TENM4: variants seen among roughly 807,000 people sequenced by gnomAD.
TENM4 encodes the protein teneurin transmembrane protein 4.
A neutral mutation model predicts 243.3 loss-of-function variants in TENM4; 82 were observed. That is an observed-to-expected ratio of 0.34 (90% CI 0.28 to 0.40). The LOEUF (loss-of-function observed/expected upper bound fraction) is 0.40. Among genes scored for constraint, TENM4 ranks in the 10% least tolerant of loss-of-function variants. TENM4 has a pLI of 1.00. For synonymous variants in TENM4, 1,412 were observed against 1,456.3 expected, an observed-to-expected ratio of 0.97 and a Z score of 0.69; for missense variants, 3,138 against 3,673.3, an observed-to-expected ratio of 0.85 and a Z score of 3.77.
chr11:78,805,184 G>T, intron 15 of TENM4, 108 bp downstream of exon 15: 3 of 615,300 alleles, frequency 4.9e-6, no homozygotes, highest in Non-Finnish European at 7.7e-6. Context: ...GCACTCAGAG[G>T]CACGGGGAAT....
At chr11:78,735,195 C>A (rs978063709) in intron 20 of TENM4, among the ~76,000 whole-genome samples, 6 of 152,182 alleles carry the variant, frequency 3.9e-5, no homozygotes, top group African/African-American at 1.4e-4. Flanking sequence ...GAGCTATCAC[C>A]CGTTTGCCTG....
intron 20 of TENM4, among the ~76,000 whole-genome samples, chr11:78,735,049 G>C (rs1218729562): frequency 6.6e-6 from 1 of 152,194 alleles, no homozygotes; most frequent in Non-Finnish European, 1.5e-5. Flanking sequence ...GCTGCAGCTT[G>C]CTCTTCTCTC....
At chr11:78,843,055 G>A (rs1220972692) in intron 12 of TENM4, among the ~76,000 whole-genome samples, 2 of 152,030 alleles carry the variant, frequency 1.3e-5, no homozygotes, top group Non-Finnish European at 2.9e-5. Context: ...GAGGCGGGTG[G>A]ATCACCTGAG....
chr11:78,741,274 A>G (rs1855923555), intron 19 of TENM4, among the ~76,000 whole-genome samples: 1 of 152,032 alleles, frequency 6.6e-6, no homozygotes, highest in African/African-American at 2.4e-5. Flanking sequence ...GGATACTATC[A>G]GTGGGGTGCT....
intron 1 of TENM4, among the ~76,000 whole-genome samples, chr11:79,400,294 GT>G (rs1338342399): frequency 6.6e-6 from 1 of 151,624 alleles, no homozygotes; most frequent in Non-Finnish European, 1.5e-5. Flanking sequence ...CTGCTCCATG[GT>G]CCGCTTCCTT....
intron 10 of TENM4, among the ~76,000 whole-genome samples, chr11:78,858,458 G>C (rs1467698276): frequency 1.3e-5 from 2 of 152,190 alleles, no homozygotes; most frequent in African/African-American, 4.8e-5. Flanking sequence ...TCCCACCACA[G>C]GGACAGGCTG....
At chr11:79,332,729 A>T (rs188905180) in intron 1 of TENM4, among the ~76,000 whole-genome samples, 25 of 152,352 alleles carry the variant, frequency 1.6e-4, no homozygotes, top group Non-Finnish European at 3.2e-4. Flanking sequence ...ATGAATGATC[A>T]TTACAAATTA....
intron 6 of TENM4, among the ~76,000 whole-genome samples, chr11:78,950,623 GA>G (rs1298525423): frequency 6.6e-6 from 1 of 152,110 alleles, no homozygotes; most frequent in East Asian, 1.9e-4. Context: ...ACACTAACCA[GA>G]AAAATGACAA....
chr11:79,357,986 G>A (rs1857525490), intron 1 of TENM4, among the ~76,000 whole-genome samples: 1 of 152,118 alleles, frequency 6.6e-6, no homozygotes, highest in South Asian at 2.1e-4. Flanking sequence ...TAGATTAAAT[G>A]GAATGGAAAT....
intron 1 of TENM4, among the ~76,000 whole-genome samples, chr11:79,431,902 G>A (rs570175669): frequency 1.7e-4 from 26 of 152,216 alleles, no homozygotes; most frequent in African/African-American, 6.3e-4. Flanking sequence ...GTTCACAATG[G>A]CAAGGATCCT....
chr11:79,009,895 C>T (rs557334425), intron 6 of TENM4, among the ~76,000 whole-genome samples: 2 of 152,254 alleles, frequency 1.3e-5, no homozygotes, highest in South Asian at 2.1e-4. Flanking sequence ...ATGGGAGGGA[C>T]CCTGTGGGAG....
At chr11:78,970,769 G>T (rs1857526918) in intron 6 of TENM4, among the ~76,000 whole-genome samples, 2 of 152,048 alleles carry the variant, frequency 1.3e-5, no homozygotes, top group African/African-American at 4.8e-5. Context: ...AAAAAATGTA[G>T]GATATAAATG....
At chr11:79,321,934 C>T (rs762518262) in intron 1 of TENM4, among the ~76,000 whole-genome samples, 1 of 152,126 alleles carries the variant, frequency 6.6e-6, no homozygotes, top group Non-Finnish European at 1.5e-5. Flanking sequence ...TGCAACAGGG[C>T]AGATGAGGAT....
At chr11:79,181,797 T>A (rs1863286357) in intron 3 of TENM4, among the ~76,000 whole-genome samples, 1 of 152,042 alleles carries the variant, frequency 6.6e-6, no homozygotes, top group African/African-American at 2.4e-5. Context: ...CACTTTCCTA[T>A]GCATCAGCAA....
At chr11:79,269,883 T>C (rs951692516) in intron 2 of TENM4, among the ~76,000 whole-genome samples, 1 of 152,200 alleles carries the variant, frequency 6.6e-6, no homozygotes, top group African/African-American at 2.4e-5. Flanking sequence ...GTGTCTTTTA[T>C]AAAAACAATT....
At chr11:79,057,687 C>T (rs1158927882) in intron 6 of TENM4, among the ~76,000 whole-genome samples, 1 of 152,154 alleles carries the variant, frequency 6.6e-6, no homozygotes, top group Non-Finnish European at 1.5e-5. Context: ...TGCTGGAACC[C>T]CAGTATTTAA....
intron 2 of TENM4, among the ~76,000 whole-genome samples, chr11:79,264,516 G>A (rs985528486): frequency 6.6e-6 from 1 of 152,180 alleles, no homozygotes; most frequent in Non-Finnish European, 1.5e-5. Flanking sequence ...CTCTGGGTGT[G>A]TGGCAATACC....
In TENM4 at chr11:79,438,388, G is replaced by A. The variant is rs916802483; in HGVS notation, c.-321+2121C>T. On this transcript the variant is annotated intron_variant, in intron 1 of 33. Transcript: ENST00000278550. This position sits in a 1 kb window ranked among gnomAD's most constrained non-coding sequence, Gnocchi z 4.1. ...CAACAGAAGCAAACTGCTGTCTGCA[G>A]AGGCGAGAGGCGAAGGAACGGAAGC... 2.0e-5 allele frequency among the ~76,000 whole-genome samples: 3 copies of A among 152,244 alleles called. No individual in the cohort carries two copies. The highest frequency in any genetic ancestry group is 6.5e-5 in the Admixed American group (1 of 15,288).
intron 6 of TENM4, among the ~76,000 whole-genome samples, chr11:79,009,605 T>C (rs11824887): frequency 0.26 from 39,344 of 152,050 alleles, 5,299 homozygotes; most frequent in South Asian, 0.35. Context: ...GGGACCCTGA[T>C]TTTTAGGCCA....
Sources: gnomAD v4.1 joint callset for allele counts (sites outside exome capture counted in the v4.1 genomes callset) on GRCh38, gnomAD v4.1.1 for gene constraint, Gnocchi (gnomAD v3.1) non-coding constraint, MANE v1.5 for transcripts, NCBI Gene and HGNC (gene_info 2026-07-23, HGNC 2026-07-21) for gene names.